KCNT1: variants seen among roughly 807,000 people sequenced by gnomAD.
KCNT1 encodes the protein potassium channel subfamily T member 1.
KCNT1 carries 78 observed loss-of-function variants against 147.8 expected under a neutral mutation model. That is an observed-to-expected ratio of 0.53 (90% CI 0.44 to 0.64). The LOEUF is 0.64. Ranked by LOEUF, KCNT1 falls within the 30% of genes least tolerant of loss-of-function variation. The pLI, the probability that KCNT1 is intolerant of heterozygous loss-of-function variation, is 0.00. For missense variants in KCNT1, 1,419 were observed against 1,750.3 expected, an observed-to-expected ratio of 0.81 and a Z score of 3.38; for synonymous variants, 867 against 748.8, an observed-to-expected ratio of 1.16 and a Z score of -2.58.
At chr9:135,758,792 C>G (rs1831695055) in intron 10 of KCNT1, among the ~76,000 whole-genome samples, 1 of 152,244 alleles carries the variant, frequency 6.6e-6, no homozygotes, top group African/African-American at 2.4e-5. Flanking sequence ...GAGAAGGGGA[C>G]TGGCCCCTAG....
intron 29 of KCNT1, among the ~76,000 whole-genome samples, chr9:135,787,208 C>T (rs2094445): frequency 6.6e-6 from 1 of 152,226 alleles, no homozygotes; most frequent in African/African-American, 2.4e-5. Context: ...AGCCCGGCGT[C>T]CGTCTTCAGC....
intron 2 of KCNT1, among the ~76,000 whole-genome samples, chr9:135,739,649 G>T (rs1367029277): frequency 6.6e-6 from 1 of 152,062 alleles, no homozygotes; most frequent in Non-Finnish European, 1.5e-5. Context: ...GCTTGCCCCA[G>T]ATGGCCTCTC....
At chr9:135,738,196 C>T (rs1390149274) in intron 2 of KCNT1, among the ~76,000 whole-genome samples, 1 of 152,230 alleles carries the variant, frequency 6.6e-6, no homozygotes, top group East Asian at 1.9e-4. Flanking sequence ...CCCGCATGTT[C>T]ATCCCAGCCC....
intron 6 of KCNT1, 26 bp from the exon 7 acceptor site, chr9:135,756,847 A>G: frequency 6.2e-7 from 1 of 1,607,008 alleles, no homozygotes; most frequent in Non-Finnish European, 8.5e-7. Context: ...CCTGCTCCAG[A>G]GCTCCTTCCC....
intron 2 of KCNT1, among the ~76,000 whole-genome samples, chr9:135,748,248 G>C (rs1830950987): frequency 6.6e-6 from 1 of 152,130 alleles, no homozygotes; most frequent in African/African-American, 2.4e-5. Flanking sequence ...GCCCCTTCTT[G>C]AGCTCTGTAA....
At position 135,770,957 on chromosome 9, in the gene KCNT1, T is replaced by A; in HGVS notation, c.1870T>A (p.Tyr624Asn). 6.2e-7 allele frequency: 1 copy of A among 1,613,878 alleles called. No homozygotes were observed. Among genetic ancestry groups the A allele is most frequent in the Non-Finnish European group, 8.5e-7 (1 of 1,179,914 alleles). The stretch of plus-strand genomic sequence containing the variant: ...CCTGGCCGCCTCTGACACCTGCTTC[T>A]ACATCAACATCACCAAGGAGGAGAA... Reference protein sequence around the residue: ...HILAASDTCFYINITKEENSA... With the variant: ...HILAASDTCFNINITKEENSA... Residue 624 changes from tyrosine (Y) to asparagine (N), a missense_variant, in exon 18 of 31, where the codon TAC (tyrosine) becomes AAC (asparagine). Around this residue, in one of 5 missense-constraint regions of KCNT1, gnomAD observed 284 missense variants for 292.8 expected, o/e 0.97. Transcript: ENST00000371757.
intron 2 of KCNT1, among the ~76,000 whole-genome samples, chr9:135,725,997 A>G (rs1216403164): frequency 6.6e-6 from 1 of 151,636 alleles, no homozygotes. Flanking sequence ...CCCAGGAGCC[A>G]TGGCTGTGGG....
At chr9:135,739,657 C>G (rs548448643) in intron 2 of KCNT1, among the ~76,000 whole-genome samples, 10 of 152,148 alleles carry the variant, frequency 6.6e-5, no homozygotes, top group African/African-American at 2.4e-4. Context: ...CAGATGGCCT[C>G]TCTCCCAGGA....
Position 135,777,406 on chromosome 9 carries a change from G to T in KCNT1, c.2418G>T (p.Ser806=), listed in dbSNP as rs142726010. ...YGFKNKLIIV[S]AETAGNGLYN... ...TCAAGAACAAGCTGATCATCGTCTC[G>T]GCAGAGACGGCCGGCAATGGGCTGT... Residue 806 remains serine (S), a synonymous_variant, in exon 21 of 31, where the codon TCG becomes TCT. Coordinates refer to ENST00000371757, the MANE Select transcript of KCNT1 (RefSeq NM_020822.3). 8 of 1,614,046 alleles carry T rather than the reference G, an allele frequency of 5.0e-6. No homozygotes were observed. Among genetic ancestry groups the T allele is most frequent in the Non-Finnish European group, 6.8e-6 (8 of 1,179,938 alleles).
chr9:135,769,327 G>A (rs1264445558), intron 15 of KCNT1, among the ~76,000 whole-genome samples: 1 of 150,350 alleles, frequency 6.7e-6, no homozygotes. Flanking sequence ...GTGACGGTGT[G>A]TCTGGGGCAG....
intron 1 of KCNT1, among the ~76,000 whole-genome samples, chr9:135,709,246 T>C (rs1316206362): frequency 6.6e-6 from 1 of 152,146 alleles, no homozygotes; most frequent in African/African-American, 2.4e-5. Flanking sequence ...CCATTCTGTT[T>C]GTGTAGTGAT....
rs757623084 is a variant in KCNT1, at chr9:135,758,476, C to T, written c.822C>T (p.Leu274=). 6.2e-6 allele frequency: 10 copies of T among 1,613,644 alleles called. No homozygotes were observed. The highest frequency in any genetic ancestry group is 7.6e-6 in the Non-Finnish European group (9 of 1,179,992). The stretch of plus-strand genomic sequence containing the variant: ...CCATGTTCAACCAGGTCCTCATCCT[C>T]TTCTGCACCCTGCTGTGCCTCGTTT... ...QSAMFNQVLI[L]FCTLLCLVFT... Residue 274 remains leucine (L), a synonymous_variant, in exon 10 of 31, where the codon CTC becomes CTT. Transcript: ENST00000371757.
At chr9:135,712,659 T>G (rs984246192) in intron 1 of KCNT1, among the ~76,000 whole-genome samples, 1 of 152,168 alleles carries the variant, frequency 6.6e-6, no homozygotes. Context: ...GCTGTCCTCC[T>G]GCGATGGGCC....
chr9:135,734,089 G>T (rs1367624365), intron 2 of KCNT1, among the ~76,000 whole-genome samples: 1 of 152,220 alleles, frequency 6.6e-6, no homozygotes. Flanking sequence ...CACCCTCTCT[G>T]CAGGGCTCTT....
At chr9:135,735,918 C>T (rs968248528) in intron 2 of KCNT1, among the ~76,000 whole-genome samples, 1 of 152,308 alleles carries the variant, frequency 6.6e-6, no homozygotes, top group South Asian at 2.1e-4. Context: ...CACCTGGAGC[C>T]GCGTCTGTGA....
chr9:135,775,107 C>T (rs1398359414), intron 19 of KCNT1, among the ~76,000 whole-genome samples: 1 of 152,212 alleles, frequency 6.6e-6, no homozygotes, highest in Non-Finnish European at 1.5e-5. Flanking sequence ...ACACGGTGAC[C>T]ACAGGCTCAG....
At chr9:135,774,727 G>A (rs1488430110) in intron 19 of KCNT1, among the ~76,000 whole-genome samples, 1 of 152,142 alleles carries the variant, frequency 6.6e-6, no homozygotes, top group Non-Finnish European at 1.5e-5. Context: ...CTGTGCGCAT[G>A]TGTTGTGTGT....
At chr9:135,781,883 G>C (rs1372465623) in intron 24 of KCNT1, among the ~76,000 whole-genome samples, 1 of 152,182 alleles carries the variant, frequency 6.6e-6, no homozygotes. Flanking sequence ...AGAAGTTCGA[G>C]ACCAGCCCAG....
chr9:135,785,740 C>T (rs1588405787), intron 28 of KCNT1: 4 of 453,816 alleles, frequency 8.8e-6, no homozygotes, highest in East Asian at 4.5e-5. Context: ...TGGCACCCCA[C>T]GTTCCCCAGG....
Sources: allele counts gnomAD v4.1 joint callset (sites outside exome capture counted in the v4.1 genomes callset), GRCh38; gene constraint gnomAD v4.1.1; regional missense constraint gnomAD v4.1.1; transcripts MANE v1.5; gene names NCBI Gene and HGNC (gene_info 2026-07-23, HGNC 2026-07-21).